The following STPG2 variants were observed in gnomAD, a reference collection of about 807,000 sequenced individuals.
STPG2 encodes the protein sperm-tail PG-rich repeat-containing protein 2.
In STPG2, 56 loss-of-function variants were observed where a neutral mutation model predicts 54.2. That is an observed-to-expected ratio of 1.03 (90% CI 0.83 to 1.29). The LOEUF is 1.29. Among genes scored for constraint, STPG2 ranks in the 50% most tolerant of loss-of-function variants. The pLI is 0.00. For missense variants in STPG2, 596 were observed against 544.9 expected (o/e 1.09, Z -0.93); for synonymous variants, 200 against 181.8 (o/e 1.10, Z -0.81).
intron 5 of STPG2, among the ~76,000 whole-genome samples, chr4:98,062,199 G>T (rs1366773971): frequency 6.6e-6 from 1 of 152,186 alleles, no homozygotes; most frequent in Non-Finnish European, 1.5e-5. Flanking sequence ...TGCAGGAACA[G>T]AAAACCAAAT....
intron 3 of STPG2, among the ~76,000 whole-genome samples, chr4:98,118,467 C>T (rs766358603): frequency 7.9e-5 from 12 of 152,064 alleles, no homozygotes; most frequent in African/African-American, 2.7e-4. Context: ...GTGGAAGTAG[C>T]GAGTCAAATA....
chr4:97,541,866 G>C (rs576641269), intron 4 of STPG2, among the ~76,000 whole-genome samples: 1 of 152,118 alleles, frequency 6.6e-6, no homozygotes, highest in Admixed American at 6.5e-5. Context: ...AACAAGAAAC[G>C]GGGAAAGGAT....
In STPG2 at chr4:98,106,072, A is replaced by T; in HGVS notation, c.501-8T>A. The stretch of plus-strand genomic sequence containing the variant: ...TAATATGATGTCTTTTTCCTTCAGA[A>T]AATTCAAATAGAAATTAAGAATTCT... On this transcript the variant is annotated splice_polypyrimidine_tract_variant and splice_region_variant and intron_variant, in intron 4 of 10. Transcript: ENST00000295268. The T allele has an allele frequency of 7.1e-7, 1 of 1,406,090 alleles. No individual in the cohort carries two copies. The highest frequency in any genetic ancestry group is 9.6e-7 in the Non-Finnish European group (1 of 1,038,160). 87.1% of individuals were successfully genotyped at this position (1,406,090 alleles called of 1,614,324 possible). A position where few individuals can be genotyped will look rare whatever the true frequency, so the allele number is the denominator to read the frequency against.
At chr4:97,917,908 G>GA (rs1192657726) in intron 8 of STPG2, among the ~76,000 whole-genome samples, 3 of 151,376 alleles carry the variant, frequency 2.0e-5, no homozygotes, top group Non-Finnish European at 4.4e-5. Flanking sequence ...CTACTCATAG[G>GA]AAAAAAAAGA....
intron 9 of STPG2, among the ~76,000 whole-genome samples, chr4:97,740,968 A>G (rs1725207923): frequency 1.3e-5 from 2 of 152,314 alleles, no homozygotes; most frequent in South Asian, 2.1e-4. Flanking sequence ...AAACTATACT[A>G]CAAGACTACA....
intron 5 of STPG2, among the ~76,000 whole-genome samples, chr4:98,021,602 A>C (rs2149291624): frequency 6.6e-6 from 1 of 152,194 alleles, no homozygotes; most frequent in African/African-American, 2.4e-5. Flanking sequence ...GATCGGTCTA[A>C]TGTTGACAGT....
intron 10 of STPG2, among the ~76,000 whole-genome samples, chr4:97,618,763 C>T (rs1733933817): frequency 6.6e-6 from 1 of 152,158 alleles, no homozygotes. Flanking sequence ...GCTGTGGTGT[C>T]TGTTTTGCTG....
chr4:97,962,445 CAAATT>C (rs1733925420), intron 7 of STPG2, among the ~76,000 whole-genome samples: 1 of 152,036 alleles, frequency 6.6e-6, no homozygotes, highest in Non-Finnish European at 1.5e-5. Context: ...TGTTGATAAT[CAAATT>C]AAACATAAAT....
At chr4:97,565,780 T>C (rs1217083807) in intron 10 of STPG2, among the ~76,000 whole-genome samples, 1 of 152,152 alleles carries the variant, frequency 6.6e-6, no homozygotes, top group Non-Finnish European at 1.5e-5. Context: ...TGCTGTCTGA[T>C]CGTTCCTCTG....
chr4:98,133,080 A>G (rs534810476), intron 2 of STPG2, among the ~76,000 whole-genome samples: 1 of 152,040 alleles, frequency 6.6e-6, no homozygotes, highest in South Asian at 2.1e-4. Context: ...ATAAAGACTT[A>G]TTAGCAACAG....
At chr4:97,707,562 G>A (rs1463824049) in intron 10 of STPG2, among the ~76,000 whole-genome samples, 1 of 151,888 alleles carries the variant, frequency 6.6e-6, no homozygotes, top group Non-Finnish European at 1.5e-5. Context: ...GAGGATGGAG[G>A]GAGGGGGGAA....
intron 4 of STPG2, among the ~76,000 whole-genome samples, chr4:97,484,831 T>A (rs1456761101): frequency 1.3e-5 from 2 of 151,680 alleles, no homozygotes; most frequent in Non-Finnish European, 2.9e-5. Context: ...GCTAACAAAA[T>A]CCAACAACAC....
At chr4:98,014,073 T>C (rs1269352397) in intron 5 of STPG2, among the ~76,000 whole-genome samples, 1 of 152,118 alleles carries the variant, frequency 6.6e-6, no homozygotes, top group Non-Finnish European at 1.5e-5. Context: ...GGGTGTCGAT[T>C]TGAGATCCTT....
chr4:97,537,405 C>A (rs1221335809), intron 4 of STPG2, among the ~76,000 whole-genome samples: 1 of 152,202 alleles, frequency 6.6e-6, no homozygotes, highest in Non-Finnish European at 1.5e-5. Flanking sequence ...ATATCCTGTG[C>A]AAGGCTTGGA....
chr4:98,037,206 G>A (rs1176659951), intron 5 of STPG2, among the ~76,000 whole-genome samples: 1 of 151,804 alleles, frequency 6.6e-6, no homozygotes, highest in Non-Finnish European at 1.5e-5. Context: ...ACCAAAAATG[G>A]AGAACACAAG....
intron 9 of STPG2, among the ~76,000 whole-genome samples, chr4:97,729,259 A>C (rs560974147): frequency 1.6e-3 from 236 of 152,122 alleles, no homozygotes; most frequent in African/African-American, 5.4e-3. Context: ...TTTAGGGAAG[A>C]ATATATGACT....
At chr4:97,473,075 G>A (rs1475391792) in intron 4 of STPG2, among the ~76,000 whole-genome samples, 3 of 151,916 alleles carry the variant, frequency 2.0e-5, no homozygotes, top group African/African-American at 4.8e-5. Context: ...CTGTCATCTC[G>A]TAAGCTGAGG....
intron 7 of STPG2, among the ~76,000 whole-genome samples, chr4:97,948,038 C>A (rs1733306254): frequency 6.6e-6 from 1 of 151,580 alleles, no homozygotes; most frequent in African/African-American, 2.4e-5. Flanking sequence ...TGATCCTGGG[C>A]TTTTTTCTTT....
At chr4:98,013,066 A>G (rs1735808400) in intron 5 of STPG2, among the ~76,000 whole-genome samples, 1 of 152,228 alleles carries the variant, frequency 6.6e-6, no homozygotes, top group Non-Finnish European at 1.5e-5. Flanking sequence ...TTGCCCATTC[A>G]GTATGATACT....
Sources: allele counts gnomAD v4.1 joint callset (sites outside exome capture counted in the v4.1 genomes callset), GRCh38; gene constraint gnomAD v4.1.1; transcripts MANE v1.5; gene names NCBI Gene and HGNC (gene_info 2026-07-23, HGNC 2026-07-21).